Variants in RASL12 observed in about 807,000 individuals in gnomAD.
RASL12 encodes RAS like family 12.
Under a neutral mutation model 22.9 loss-of-function variants are expected in RASL12, and 16 were observed. That is an observed-to-expected ratio of 0.70 (90% CI 0.47 to 1.06). The LOEUF (loss-of-function observed/expected upper bound fraction) is 1.06, where lower values mean the gene tolerates loss of function less well. Among genes scored for constraint, RASL12 ranks in the 50% least tolerant of loss-of-function variants. The pLI, the probability that RASL12 is intolerant of heterozygous loss-of-function variation, is 0.00. For missense variants in RASL12, 306 were observed against 353.1 expected, an observed-to-expected ratio of 0.87 and a Z score of 1.07; for synonymous variants, 159 against 152.2, an observed-to-expected ratio of 1.04 and a Z score of -0.33.
chr15:65,072,499 C>G (rs1416244988), upstream of RASL12, among the ~76,000 whole-genome samples: 1 of 152,176 alleles, frequency 6.6e-6, no homozygotes, highest in Non-Finnish European at 1.5e-5. Flanking sequence ...CTCATTCTCC[C>G]TAAGAAGGCC....
the RASL12 span, among the ~76,000 whole-genome samples, chr15:65,046,464 C>G: frequency 3.3e-5 from 5 of 151,358 alleles, no homozygotes; most frequent in Non-Finnish European, 7.4e-5. Context: ...GAGTGAAACT[C>G]TGTCTCAAAA....
downstream of RASL12, among the ~76,000 whole-genome samples, chr15:65,050,848 TTTTTTGCC>T (rs2086643745): frequency 6.9e-6 from 1 of 145,432 alleles, no homozygotes; most frequent in African/African-American, 2.5e-5. Flanking sequence ...TTTTTTTTTT[TTTTTTGCC>T]TTTTTTTTGA....
downstream of RASL12, chr15:65,051,705 T>C: frequency 1.9e-6 from 2 of 1,071,330 alleles, no homozygotes; most frequent in Non-Finnish European, 2.8e-6. Flanking sequence ...GGGTCATTGC[T>C]GTCCACCCTT....
At chr15:65,050,833 CTTCTTTTTTTT>C (rs1473721294), downstream of RASL12, among the ~76,000 whole-genome samples, 7 of 88,600 alleles carry the variant, frequency 7.9e-5, no homozygotes, top group Non-Finnish European at 1.2e-4. Context: ...TCTTCTTCTT[CTTCTTTTTTTT>C]TTTTTTTTTG....
rs767223352 is a variant in RASL12, at chr15:65,055,076, G to A, written c.624C>T (p.Ala208=). 2 of 1,612,392 alleles carry A rather than the reference G, an allele frequency of 1.2e-6. No individual in the cohort carries two copies. Among genetic ancestry groups the A allele is most frequent in the East Asian group, 4.5e-5 (2 of 44,852 alleles). ...ISEERALPHQ[A]PLTARHGLAS... ...CCAGCCCATGCCGCGCGGTGAGCGG[G>A]GCCTGGTGGGGCAGGGCCCTCTCCT... The change falls in exon 5 of 5, where the codon GCC becomes GCT. Residue 208 remains alanine (A), a synonymous_variant. Coordinates refer to ENST00000220062, the MANE Select transcript of RASL12 (RefSeq NM_016563.4).
At chr15:65,063,208 CAAA>C (rs11346505) in intron 2 of RASL12, among the ~76,000 whole-genome samples, 7 of 149,930 alleles carry the variant, frequency 4.7e-5, no homozygotes, top group South Asian at 2.1e-4. Context: ...ATCTGAATCT[CAAA>C]AAAAAAAAAG....
chr15:65,060,731 T>C (rs2086792837), intron 2 of RASL12, among the ~76,000 whole-genome samples: 1 of 152,190 alleles, frequency 6.6e-6, no homozygotes, highest in Admixed American at 6.5e-5. Context: ...GTCTCTGCCT[T>C]CCTGGCAGCA....
At position 65,067,944 on chromosome 15, in the gene RASL12, C is replaced by T. The variant is rs1258982590; in HGVS notation, c.-109G>A. The T allele has an allele frequency of 1.2e-4, 148 of 1,206,480 alleles. No individual in the cohort carries two copies. The highest frequency in any genetic ancestry group is 1.5e-4 in the Non-Finnish European group (145 of 971,818). The allele number at this position is 1,206,480 out of a possible 1,614,324, so 74.7% of individuals were successfully genotyped here. A position where few individuals can be genotyped will look rare whatever the true frequency, so the allele number is the denominator to read the frequency against. ...ATGCAGGCTTCCCTGGAGCGCGCGG[C>T]CCCGGACCCGTCGGCGTCCGCGCCC... is the stretch of plus-strand genomic sequence containing the variant. On this transcript the variant is annotated 5_prime_UTR_variant, in exon 1 of 5. Transcript: ENST00000220062.
the RASL12 span, among the ~76,000 whole-genome samples, chr15:65,046,146 CA>C: frequency 1.3e-5 from 2 of 152,178 alleles, no homozygotes; most frequent in South Asian, 4.1e-4. Flanking sequence ...ACTAATAATA[CA>C]AAAATTAGCT....
At position 65,073,575 on chromosome 15, in the gene RASL12, A is replaced by G. The variant is rs149741061; in HGVS notation, c.70+2954T>C. 3.2e-3 allele frequency among the ~76,000 whole-genome samples: 480 copies of G among 152,304 alleles called. 17 individuals carry two copies. The East Asian group carries it at 0.046, about 15-fold the overall frequency. ...AATATAGATGAAGCTTTGCTTGCTCACTGCTCACCTCTGGCTGCGCGGCCT... is the reference window on the plus strand; with the variant it reads ...AATATAGATGAAGCTTTGCTTGCTCGCTGCTCACCTCTGGCTGCGCGGCCT... On this transcript the variant is annotated intron_variant, in intron 1 of 4. Coordinates refer to the RASL12 transcript ENST00000434605.
At chr15:65,047,412 T>C in the RASL12 span, among the ~76,000 whole-genome samples, 37 of 151,746 alleles carry the variant, frequency 2.4e-4, no homozygotes, top group African/African-American at 8.2e-4. Flanking sequence ...TGGAATTACA[T>C]GTATTGTTCT....
At chr15:65,073,471 CA>C (rs1043875457) in intron 1 of RASL12, among the ~76,000 whole-genome samples, 40 of 152,128 alleles carry the variant, frequency 2.6e-4, no homozygotes, top group Non-Finnish European at 5.7e-4. Context: ...GTTCGCCCTC[CA>C]ATGAGAATCA....
intron 1 of RASL12, among the ~76,000 whole-genome samples, chr15:65,075,519 G>T (rs1410251507): frequency 1.3e-5 from 2 of 152,238 alleles, no homozygotes; most frequent in Admixed American, 6.5e-5. Flanking sequence ...GAGTCTTTAT[G>T]TCTAGCTCAG....
At chr15:65,076,643 C>G (rs989073282) in exon 1 of RASL12, 4 of 711,698 alleles carry the variant, frequency 5.6e-6, no homozygotes, top group Non-Finnish European at 1.0e-5. Context: ...CAGATGCCCT[C>G]CGGGCCTGCA....
chr15:65,075,050 T>C (rs1046396703), intron 1 of RASL12, among the ~76,000 whole-genome samples: 3 of 152,168 alleles, frequency 2.0e-5, no homozygotes, highest in African/African-American at 7.2e-5. Flanking sequence ...GAACCGGGGC[T>C]GCGTGTGGCG....
chr15:65,060,750 G>T (rs951494286), intron 2 of RASL12, among the ~76,000 whole-genome samples: 5 of 152,156 alleles, frequency 3.3e-5, no homozygotes, highest in African/African-American at 9.7e-5. Context: ...CATCCACTGT[G>T]AGAGGGCACG....
At position 65,053,497 on chromosome 15, in the gene RASL12, G is replaced by C; in HGVS notation, c.*1402C>G. ...AGCTGGCCTGTGGGTCGGGAAGCCT[G>C]TAGGACTGCAAGCATGTGGTCTTGA... On this transcript the variant is annotated 3_prime_UTR_variant, in exon 5 of 5. Coordinates refer to ENST00000220062, the MANE Select transcript of RASL12 (RefSeq NM_016563.4). 1 of 1,123,058 alleles carries C rather than the reference G, an allele frequency of 8.9e-7. No homozygotes were observed. The highest frequency in any genetic ancestry group is 1.1e-6 in the Non-Finnish European group (1 of 915,924). 69.6% of individuals were successfully genotyped at this position (1,123,058 alleles called of 1,614,324 possible).
At chr15:65,065,307 C>T (rs375072652) in intron 1 of RASL12, 34 bp from the exon 2 acceptor site, 48 of 1,598,178 alleles carry the variant, frequency 3.0e-5, no homozygotes, top group Admixed American at 3.5e-5. Flanking sequence ...GCTCCATCTC[C>T]GCGGCCATGT....
intron 4 of RASL12, 46 bp from the exon 5 acceptor site, chr15:65,055,320 C>T: frequency 6.8e-7 from 1 of 1,471,658 alleles, no homozygotes; most frequent in South Asian, 1.3e-5. Context: ...GCAGGCTGTG[C>T]CAAGTCAGGC....
Sources: gnomAD v4.1 joint callset for allele counts (sites outside exome capture counted in the v4.1 genomes callset) on GRCh38, gnomAD v4.1.1 for gene constraint, MANE v1.5 for transcripts, NCBI Gene and HGNC (gene_info 2026-07-23, HGNC 2026-07-21) for gene names.